The following DOCK9 variants were observed in gnomAD, a reference collection of about 807,000 sequenced individuals.
DOCK9 encodes the protein dedicator of cytokinesis 9, also known as dedicator of cytokinesis protein 9.
A neutral mutation model predicts 263.3 loss-of-function variants in DOCK9; 89 were observed. That is an observed-to-expected ratio of 0.34 (90% confidence interval 0.28 to 0.40). DOCK9 has a LOEUF of 0.40. Ranked by LOEUF, DOCK9 falls within the 10% of genes least tolerant of loss-of-function variation. The pLI, the probability that DOCK9 is intolerant of heterozygous loss-of-function variation, is 1.00. For synonymous variants in DOCK9, 976 were observed against 973.1 expected (o/e 1.00, Z -0.06); for missense variants, 2,140 against 2,603.4 (o/e 0.82, Z 3.87).
chr13:99,030,140 CTTCT>C (rs1400492181), intron 1 of DOCK9, among the ~76,000 whole-genome samples: 1 of 152,188 alleles, frequency 6.6e-6, no homozygotes, highest in Non-Finnish European at 1.5e-5. Flanking sequence ...GGGCATGAGA[CTTCT>C]TTCAAGAGTA....
intron 36 of DOCK9, 33 bp from the exon 37 acceptor site, chr13:98,848,672 G>A (rs1166642081): frequency 1.3e-6 from 2 of 1,597,036 alleles, no homozygotes; most frequent in South Asian, 2.3e-5. Context: ...TTAGGGAAAT[G>A]CAAAGATAAA....
At chr13:98,848,776 A>G (rs2093469503) in intron 36 of DOCK9, 137 bp from the exon 37 acceptor site, 2 of 973,576 alleles carry the variant, frequency 2.1e-6, no homozygotes, top group Non-Finnish European at 3.0e-6. Flanking sequence ...ATTCATTCAG[A>G]ATGGTTTTTG....
Position 98,897,662 on chromosome 13 carries a change from AATTC to A in DOCK9, c.1587-56_1587-53del, listed in dbSNP as rs1282043231. On this transcript the variant is annotated intron_variant, in intron 14 of 52. Coordinates refer to ENST00000682017, the MANE Select transcript of DOCK9 (RefSeq NM_001366683.2). ...ACTGGGTTTCCAAAACACCAAAATCAATTCATTATTTAAGTCTAGTTTCTATGAG... is the reference window on the plus strand; with the variant it reads ...ACTGGGTTTCCAAAACACCAAAATCAATTATTTAAGTCTAGTTTCTATGAG... The A allele has an allele frequency of 1.8e-5, 28 of 1,599,526 alleles. No individual in the cohort carries two copies. The African/African-American group carries it at 3.5e-4, about 20-fold the overall frequency.
chr13:99,041,296 C>A (rs1371588756), intron 1 of DOCK9, among the ~76,000 whole-genome samples: 16 of 152,024 alleles, frequency 1.1e-4, no homozygotes, highest in Admixed American at 9.8e-4. Flanking sequence ...CCAGCCTGGG[C>A]AACATAGAGA....
chr13:98,865,064 A>AT (rs1407034656), intron 30 of DOCK9, among the ~76,000 whole-genome samples: 4 of 151,682 alleles, frequency 2.6e-5, no homozygotes, highest in African/African-American at 7.3e-5. Flanking sequence ...GTCTTTTCTT[A>AT]TTTTTTTTGA....
intron 1 of DOCK9, among the ~76,000 whole-genome samples, chr13:98,969,154 A>C (rs1347505632): frequency 2.0e-5 from 3 of 152,192 alleles, no homozygotes; most frequent in Admixed American, 1.3e-4. Context: ...TCTGTACACA[A>C]AAGTACTCTG....
In DOCK9 at chr13:98,805,060, C is replaced by T. The variant is rs752584573; in HGVS notation, c.5664G>A (p.Thr1888=). 10 of 1,611,900 alleles carry T rather than the reference C, an allele frequency of 6.2e-6. No homozygotes were observed. The Admixed American group carries it at 6.7e-5, about 11-fold the overall frequency. ...CCCCGCCCTGCCTCTTCCCGGTCTGCGTAAATGGCATCTCAAACATGAAGC... is the reference window on the plus strand; with the variant it reads ...CCCCGCCCTGCCTCTTCCCGGTCTGTGTAAATGGCATCTCAAACATGAAGC... The part of the protein sequence containing the change: ...IRRFMFEMPF[T]QTGKRQGGVE... The change falls in exon 49 of 53, where the codon ACG becomes ACA. Residue 1888 remains threonine, a synonymous_variant. Coordinates refer to ENST00000682017, the MANE Select transcript of DOCK9 (RefSeq NM_001366683.2).
At chr13:98,846,126 G>C (rs2093383324) in intron 37 of DOCK9, 66 bp from the exon 38 acceptor site, 10 of 1,528,862 alleles carry the variant, frequency 6.5e-6, no homozygotes, top group Non-Finnish European at 7.1e-6. Context: ...GAGACGGGGA[G>C]TGTTAGTGAA....
chr13:98,810,033 C>T (rs2091154119), intron 46 of DOCK9, 136 bp downstream of exon 46: 8 of 1,241,268 alleles, frequency 6.4e-6, no homozygotes, highest in Middle Eastern at 2.3e-4. Flanking sequence ...CCACCTTCAG[C>T]GTAACGTGGA....
At chr13:98,887,143 A>ATTTTTT (rs58434344) in intron 18 of DOCK9, among the ~76,000 whole-genome samples, 2 of 95,258 alleles carry the variant, frequency 2.1e-5, no homozygotes, top group Non-Finnish European at 2.0e-5. Context: ...ATATATATAT[A>ATTTTTT]TTTTTTTTTT....
intron 33 of DOCK9, 127 bp from the exon 34 acceptor site, chr13:98,856,158 T>G: frequency 2.2e-6 from 2 of 920,542 alleles, no homozygotes; most frequent in Non-Finnish European, 3.2e-6. Flanking sequence ...GCTCAAGAGT[T>G]GCATTCCATT....
chr13:98,915,218 T>C, intron 8 of DOCK9, 111 bp downstream of exon 8: 1 of 1,030,588 alleles, frequency 9.7e-7, no homozygotes, highest in Non-Finnish European at 1.4e-6. Context: ...CTCCTATCCG[T>C]CCCACCTCTC....
At chr13:98,903,741 C>A (rs1307452204) in intron 10 of DOCK9, among the ~76,000 whole-genome samples, 1 of 151,740 alleles carries the variant, frequency 6.6e-6, no homozygotes, top group African/African-American at 2.4e-5. Context: ...ACCAAGTGTC[C>A]ATCAACAGAT....
chr13:98,829,352 G>A lies in DOCK9; in HGVS notation c.4920C>T (p.Leu1640=), dbSNP rs765461948. 43 of 1,613,402 alleles carry A rather than the reference G, an allele frequency of 2.7e-5. No individual in the cohort carries two copies. Among genetic ancestry groups the A allele is most frequent in the African/African-American group, 4.0e-5 (3 of 74,886 alleles). ...ASTPELRKTW[L]DSMARIHVKN... ...TGACATGGATCCTGGCCATGCTGTC[G>A]AGCCACGTCTTCCTGAGCTCGGGCG... The change falls in exon 43 of 53, where the codon CTC becomes CTT. Residue 1640 remains leucine, a synonymous_variant. Coordinates refer to ENST00000682017, the MANE Select transcript of DOCK9 (RefSeq NM_001366683.2). The surrounding 1 kb of genome is among the most constrained non-coding windows in gnomAD (Gnocchi z 4.1).
At chr13:99,041,360 T>C (rs568404655) in intron 1 of DOCK9, among the ~76,000 whole-genome samples, 4 of 152,172 alleles carry the variant, frequency 2.6e-5, no homozygotes, top group African/African-American at 7.2e-5. Context: ...GGCATGTGCC[T>C]GTGGTCCCAG....
Position 98,880,560 on chromosome 13 carries a change from T to C in DOCK9, c.2858A>G (p.Asn953Ser). 1 of 1,613,924 alleles carries C rather than the reference T, an allele frequency of 6.2e-7. No individual in the cohort carries two copies. The highest frequency in any genetic ancestry group is 8.5e-7 in the Non-Finnish European group (1 of 1,179,866). The change falls in exon 26 of 53, where the codon AAC becomes AGC. Residue 953 changes from asparagine to serine, a missense_variant. Asn to Ser is a conservative substitution (Grantham distance 46, BLOSUM62 1). This residue lies in a region of DOCK9 where 1,521 missense variants were observed against 1,741.7 expected (regional missense o/e 0.87). Transcript: ENST00000682017. Reference protein sequence around the residue: ...LKPSADFLTSNKLLKYSWFFF... With the variant: ...LKPSADFLTSSKLLKYSWFFF... ...CTCCTGACATACCTTCAGTAGTTTG[T>C]TGCTGGTGAGGAAATCGGCAGAAGG...
chr13:98,956,102 C>T (rs749403296), intron 1 of DOCK9, among the ~76,000 whole-genome samples: 9 of 152,208 alleles, frequency 5.9e-5, no homozygotes, highest in Non-Finnish European at 1.2e-4. Flanking sequence ...GAGCTGAGCC[C>T]AAACCAGCCA....
At chr13:99,067,823 G>A (rs144834876) in intron 1 of DOCK9, among the ~76,000 whole-genome samples, 4,201 of 152,050 alleles carry the variant, frequency 0.028, 96 homozygotes, top group South Asian at 0.063. Flanking sequence ...ATTGCCCAGG[G>A]TGGAGGATAT....
intron 1 of DOCK9, among the ~76,000 whole-genome samples, chr13:99,025,977 G>A (rs950886674): frequency 1.3e-5 from 2 of 150,656 alleles, no homozygotes; most frequent in Non-Finnish European, 1.5e-5. Flanking sequence ...GAAATGTCCA[G>A]AACAGGCAAA....
Sources: gnomAD v4.1 joint callset for allele counts (sites outside exome capture counted in the v4.1 genomes callset) on GRCh38, gnomAD v4.1.1 for gene constraint, gnomAD v4.1.1 regional missense constraint, Gnocchi (gnomAD v3.1) non-coding constraint, MANE v1.5 for transcripts, NCBI Gene and HGNC (gene_info 2026-07-23, HGNC 2026-07-21) for gene names.